Variants in MYO18A observed in about 807,000 individuals in gnomAD.
The protein encoded by MYO18A is myosin XVIIIA, also known as unconventional myosin-XVIIIa.
A neutral mutation model predicts 235.8 loss-of-function variants in MYO18A; 78 were observed. That is an observed-to-expected ratio of 0.33 (90% CI 0.28 to 0.40). MYO18A has a LOEUF of 0.40. Ranked by LOEUF, MYO18A falls within the 10% of genes least tolerant of loss-of-function variation. The pLI, the probability that MYO18A is intolerant of heterozygous loss-of-function variation, is 1.00. For synonymous variants in MYO18A, 977 were observed against 1,077.8 expected, an observed-to-expected ratio of 0.91 and a Z score of 1.83; for missense variants, 2,215 against 2,699.3, an observed-to-expected ratio of 0.82 and a Z score of 3.98.
At chr17:29,123,145 G>A (rs1052214469) in intron 2 of MYO18A, among the ~76,000 whole-genome samples, 2 of 152,224 alleles carry the variant, frequency 1.3e-5, no homozygotes, top group African/African-American at 4.8e-5. Flanking sequence ...ACGGTGTGGG[G>A]CTGTCAAACC....
At chr17:29,086,317 G>T in intron 39 of MYO18A, 121 bp downstream of exon 39, 1 of 1,114,482 alleles carries the variant, frequency 9.0e-7, no homozygotes, top group Non-Finnish European at 1.3e-6. Flanking sequence ...AAGGGAGGGT[G>T]GGTTGGCGGC....
rs147085466 is a variant in MYO18A at position 29,075,031 on chromosome 17, T to C, written c.6021-117A>G. 7.0e-4 allele frequency: 881 copies of C among 1,257,816 alleles called. 10 individuals are homozygous for C. The African/African-American group carries it at 0.012, about 17-fold the overall frequency. 77.9% of individuals were successfully genotyped at this position (1,257,816 alleles called of 1,614,324 possible). On this transcript the variant is annotated intron_variant, in intron 41 of 41. Coordinates refer to ENST00000527372, the MANE Select transcript of MYO18A (RefSeq NM_078471.4). ...CAGAGCACTCCCCAAAAGCCAAACA[T>C]TGTTAAGTAAAAACCTTCCTTGGCT...
intron 2 of MYO18A, 25 bp from the exon 3 acceptor site, chr17:29,122,278 C>T (rs1435677275): frequency 1.4e-5 from 22 of 1,594,930 alleles, no homozygotes; most frequent in African/African-American, 5.4e-5. Flanking sequence ...GAAGAATAAA[C>T]AGGCCCTGCT....
At chr17:29,132,484 G>A (rs1346227076) in intron 2 of MYO18A, among the ~76,000 whole-genome samples, 2 of 152,304 alleles carry the variant, frequency 1.3e-5, no homozygotes, top group South Asian at 2.1e-4. Context: ...CCTCCTCAGC[G>A]TGCCTCTCCT....
chr17:29,116,626 G>A (rs1163629600), intron 10 of MYO18A, among the ~76,000 whole-genome samples, 171 bp from the exon 11 acceptor site: 3 of 35,734 alleles, frequency 8.4e-5, no homozygotes, highest in African/African-American at 5.6e-4. Context: ...CACACACACA[G>A]TCTCCAGGGA....
chr17:29,134,803 G>A (rs2067558010), intron 2 of MYO18A, among the ~76,000 whole-genome samples: 1 of 152,172 alleles, frequency 6.6e-6, no homozygotes, highest in East Asian at 1.9e-4. Flanking sequence ...GATTACAGGT[G>A]TGAGCCACCA....
At chr17:29,083,558 A>ACACACACACACACG (rs1568038715) in intron 40 of MYO18A, among the ~76,000 whole-genome samples, 64 of 151,702 alleles carry the variant, frequency 4.2e-4, no homozygotes, top group Non-Finnish European at 5.6e-4. Flanking sequence ...ACACACACAC[A>ACACACACACACACG]CGAAACCAGC....
intron 2 of MYO18A, among the ~76,000 whole-genome samples, chr17:29,134,952 G>C (rs1339622585): frequency 6.6e-6 from 1 of 152,178 alleles, no homozygotes; most frequent in South Asian, 2.1e-4. Flanking sequence ...TGGGGCAAGA[G>C]GCCCGGAGAA....
intron 40 of MYO18A, among the ~76,000 whole-genome samples, chr17:29,085,049 AC>A (rs2066219132): frequency 6.6e-6 from 1 of 152,204 alleles, no homozygotes; most frequent in Non-Finnish European, 1.5e-5. Context: ...TTCCCCCGCC[AC>A]GGCAAGCAGC....
Position 29,118,171 on chromosome 17 carries a change from C to T in MYO18A, c.1912G>A (p.Ala638Thr). The T allele has an allele frequency of 6.3e-7, 1 of 1,599,832 alleles. No individual in the cohort carries two copies. The highest frequency in any genetic ancestry group is 8.5e-7 in the Non-Finnish European group (1 of 1,172,380). Reference protein sequence around the residue: ...PLAKPEEKQKAAQQFSKLQAA... With the variant: ...PLAKPEEKQKTAQQFSKLQAA... ...TGCAGCTTACTAAACTGCTGAGCTG[C>T]CTTCTGCTTTTCCTCAGGCTGTGGA... The change falls in exon 10 of 42, where the codon GCA becomes ACA. Residue 638 changes from alanine (A) to threonine (T), a missense_variant. Physicochemically the swap from Ala to Thr is moderately conservative, Grantham distance 58. Transcript: ENST00000527372. The surrounding 1 kb of genome is among the most constrained non-coding windows in gnomAD (Gnocchi z 4.2).
chr17:29,092,581 G>A, intron 33 of MYO18A, 125 bp from the exon 34 acceptor site: 1 of 862,896 alleles, frequency 1.2e-6, no homozygotes, highest in Non-Finnish European at 1.8e-6. Flanking sequence ...CAGACCCCAG[G>A]GCCATGGCTG....
intron 2 of MYO18A, among the ~76,000 whole-genome samples, chr17:29,152,146 C>T (rs755173399): frequency 7.9e-5 from 12 of 152,112 alleles, no homozygotes; most frequent in Non-Finnish European, 1.0e-4. Flanking sequence ...TAGGCATGCT[C>T]ATATGGGTGG....
Position 29,071,834 on chromosome 17 carries a change from G to A in MYO18A, c.*2936C>T, listed in dbSNP as rs1057056413. On this transcript the variant is annotated 3_prime_UTR_variant, in exon 42 of 42. Coordinates refer to ENST00000527372, the MANE Select transcript of MYO18A (RefSeq NM_078471.4). ...CACTCTAAGCTTATGCATACTAGCA[G>A]GTGCAGCATGTATTTTGTGTCTACC... The A allele has an allele frequency of 3.3e-5, 5 of 152,310 alleles. No individual in the cohort carries two copies. Among genetic ancestry groups the A allele is most frequent in the African/African-American group, 9.6e-5 (4 of 41,562 alleles). 9.4% of individuals were successfully genotyped at this position (152,310 alleles called of 1,614,324 possible). A position where few individuals can be genotyped will look rare whatever the true frequency, so the allele number is the denominator to read the frequency against.
At chr17:29,085,034 T>C (rs903827635) in intron 40 of MYO18A, among the ~76,000 whole-genome samples, 5 of 152,334 alleles carry the variant, frequency 3.3e-5, no homozygotes, top group Admixed American at 2.0e-4. Flanking sequence ...TCTGGCTGTG[T>C]TCCCTTCCCC....
intron 21 of MYO18A, among the ~76,000 whole-genome samples, chr17:29,102,224 C>A (rs945266547): frequency 4.6e-5 from 7 of 152,218 alleles, no homozygotes; most frequent in African/African-American, 1.4e-4. Context: ...GGAAGAGGAT[C>A]AGCTTGTAGA....
At chr17:29,110,729 C>T (rs910714555) in intron 17 of MYO18A, 107 bp from the exon 18 acceptor site, 9 of 1,146,638 alleles carry the variant, frequency 7.8e-6, no homozygotes, top group Middle Eastern at 4.7e-4. Context: ...CATTCAGCCA[C>T]GTCCAGGGGC....
At chr17:29,165,791 T>C in intron 2 of MYO18A, 151 bp downstream of exon 2, 1 of 797,222 alleles carries the variant, frequency 1.3e-6, no homozygotes. Flanking sequence ...GAGTTCATGC[T>C]TCCCCACAGG....
intron 2 of MYO18A, among the ~76,000 whole-genome samples, chr17:29,136,248 AAAAT>A (rs1410939490): frequency 0.041 from 3,059 of 74,350 alleles, 25 homozygotes; most frequent in Middle Eastern, 0.054. Flanking sequence ...AAAAAAAAAA[AAAAT>A]ATATATATAT....
chr17:29,174,843 G>C (rs1034048781), intron 1 of MYO18A, among the ~76,000 whole-genome samples: 2 of 152,016 alleles, frequency 1.3e-5, no homozygotes, highest in African/African-American at 4.8e-5. Flanking sequence ...ATACAACTGA[G>C]CAGTTGTATA....
Sources: allele counts gnomAD v4.1 joint callset (sites outside exome capture counted in the v4.1 genomes callset), GRCh38; gene constraint gnomAD v4.1.1; non-coding constraint Gnocchi (gnomAD v3.1); transcripts MANE v1.5; gene names NCBI Gene and HGNC (gene_info 2026-07-23, HGNC 2026-07-21).